XRCC4: variants seen among roughly 807,000 people sequenced by gnomAD.
XRCC4 encodes the protein DNA repair protein XRCC4.
A neutral mutation model predicts 39.1 loss-of-function variants in XRCC4; 28 were observed. The observed-to-expected ratio is 0.72, with a 90% CI of 0.53 to 0.98. The LOEUF is 0.98. Among genes scored for constraint, XRCC4 ranks in the 50% least tolerant of loss-of-function variants. The pLI is 0.00. For synonymous variants in XRCC4, 123 were observed against 126.4 expected (o/e 0.97, Z 0.18); for missense variants, 350 against 376.4 (o/e 0.93, Z 0.58).
intron 4 of XRCC4, among the ~76,000 whole-genome samples, chr5:83,198,753 G>T (rs1002148830): frequency 6.6e-6 from 1 of 152,098 alleles, no homozygotes; most frequent in African/African-American, 2.4e-5. Context: ...TTAATGCATA[G>T]AATTTTAACA....
At chr5:83,225,508 GC>G (rs1752252678) in intron 6 of XRCC4, among the ~76,000 whole-genome samples, 1 of 150,028 alleles carries the variant, frequency 6.7e-6, no homozygotes, top group Non-Finnish European at 1.5e-5. Context: ...GGATCACAAA[GC>G]CCCCTTGACT....
intron 7 of XRCC4, among the ~76,000 whole-genome samples, chr5:83,272,313 G>A (rs1552909): frequency 0.057 from 8,607 of 152,162 alleles, 901 homozygotes; most frequent in East Asian, 0.48. Flanking sequence ...CCCAAACCCT[G>A]TTTATATCTC....
At position 83,117,680 on chromosome 5, in the gene XRCC4, T is replaced by C. The variant is rs567033519; in HGVS notation, c.315+6477T>C. ...GTGTGTGTGTGTGTGTGTGTATGTA[T>C]GTATATGTATGTATATATAAACATT... On this transcript the variant is annotated intron_variant, in intron 3 of 7. Coordinates refer to ENST00000396027, the MANE Select transcript of XRCC4 (RefSeq NM_003401.5). 1.6e-4 allele frequency among the ~76,000 whole-genome samples: 23 copies of C among 142,784 alleles called. No homozygotes were observed. In the South Asian group the frequency reaches 4.6e-3, roughly 29 times the overall value. The allele number at this position is 142,784 out of a possible 152,430, so 93.7% of individuals were successfully genotyped here.
chr5:83,281,113 C>G (rs1754521290), intron 7 of XRCC4, among the ~76,000 whole-genome samples: 1 of 152,172 alleles, frequency 6.6e-6, no homozygotes, highest in Non-Finnish European at 1.5e-5. Context: ...ATAAGAATAT[C>G]AAGCAATATA....
the XRCC4 span, among the ~76,000 whole-genome samples, chr5:83,363,486 CCA>C: frequency 9.2e-5 from 14 of 152,140 alleles, no homozygotes; most frequent in Non-Finnish European, 1.3e-4. Flanking sequence ...GAAGGCACAA[CCA>C]CACGCACTCA....
intron 3 of XRCC4, among the ~76,000 whole-genome samples, chr5:83,130,547 C>G (rs529597201): frequency 3.9e-5 from 6 of 152,112 alleles, no homozygotes; most frequent in Admixed American, 3.9e-4. Context: ...AGGAATGGTA[C>G]CAGCTCCTCT....
chr5:83,228,012 T>TC (rs1161543841), intron 6 of XRCC4, among the ~76,000 whole-genome samples: 1 of 152,002 alleles, frequency 6.6e-6, no homozygotes, highest in Non-Finnish European at 1.5e-5. Context: ...AGGAGGAATG[T>TC]CCTCTGGCTA....
At chr5:83,129,766 GCTCT>G (rs1420594443) in intron 3 of XRCC4, among the ~76,000 whole-genome samples, 3 of 151,576 alleles carry the variant, frequency 2.0e-5, no homozygotes, top group African/African-American at 7.3e-5. Context: ...TCATGATTTA[GCTCT>G]CTGTTATTGG....
chr5:83,255,924 G>A (rs1047669508), intron 6 of XRCC4, among the ~76,000 whole-genome samples: 4 of 152,018 alleles, frequency 2.6e-5, no homozygotes, highest in Admixed American at 6.6e-5. Context: ...AGGCCTCATG[G>A]GATTTTTACA....
intron 3 of XRCC4, among the ~76,000 whole-genome samples, chr5:83,194,542 C>T (rs919160213): frequency 1.3e-5 from 2 of 152,012 alleles, no homozygotes; most frequent in Non-Finnish European, 1.5e-5. Flanking sequence ...ATTTCTTAAT[C>T]TGTATGTAAT....
intron 7 of XRCC4, among the ~76,000 whole-genome samples, chr5:83,333,926 C>T (rs1029367026): frequency 3.3e-5 from 5 of 151,982 alleles, no homozygotes; most frequent in East Asian, 3.9e-4. Flanking sequence ...TGCGCCACCA[C>T]GCCTGGCTAA....
intron 3 of XRCC4, among the ~76,000 whole-genome samples, chr5:83,158,351 C>A (rs1018223351): frequency 6.6e-6 from 1 of 151,976 alleles, no homozygotes; most frequent in Non-Finnish European, 1.5e-5. Flanking sequence ...TAATAGTTTA[C>A]AAGAGGGATT....
intron 7 of XRCC4, among the ~76,000 whole-genome samples, chr5:83,274,542 GAATA>G (rs756329658): frequency 6.6e-6 from 1 of 152,106 alleles, no homozygotes; most frequent in Non-Finnish European, 1.5e-5. Flanking sequence ...AAGTGAAAAA[GAATA>G]AATAAACATG....
At chr5:83,153,565 T>C (rs569891429) in intron 3 of XRCC4, among the ~76,000 whole-genome samples, 1 of 152,300 alleles carries the variant, frequency 6.6e-6, no homozygotes, top group African/African-American at 2.4e-5. Context: ...ATTGGAAATA[T>C]ATTCAGCATC....
intron 3 of XRCC4, among the ~76,000 whole-genome samples, chr5:83,140,477 A>G (rs1452742051): frequency 6.6e-6 from 1 of 152,210 alleles, no homozygotes; most frequent in African/African-American, 2.4e-5. Context: ...CATTGAGGGT[A>G]GGTCTTCCTC....
chr5:83,242,604 A>G (rs928876556), intron 6 of XRCC4, among the ~76,000 whole-genome samples: 3 of 151,944 alleles, frequency 2.0e-5, no homozygotes, highest in African/African-American at 4.8e-5. Context: ...GTGCGCCACT[A>G]TGCCCAGTTT....
intron 3 of XRCC4, among the ~76,000 whole-genome samples, chr5:83,183,097 T>C (rs1481399701): frequency 6.6e-6 from 1 of 152,202 alleles, no homozygotes; most frequent in African/African-American, 2.4e-5. Flanking sequence ...TTCTGGTATC[T>C]AGCACTGTTA....
At chr5:83,345,083 C>T (rs1756878843) in intron 7 of XRCC4, among the ~76,000 whole-genome samples, 1 of 152,070 alleles carries the variant, frequency 6.6e-6, no homozygotes, top group African/African-American at 2.4e-5. Context: ...TATGTTTTGG[C>T]TTTTAAAACA....
At chr5:83,241,995 G>T (rs554132158) in intron 6 of XRCC4, among the ~76,000 whole-genome samples, 1 of 151,740 alleles carries the variant, frequency 6.6e-6, no homozygotes, top group East Asian at 1.9e-4. Flanking sequence ...GGAAGGGTTG[G>T]TCTTGCTGTC....
Sources: gnomAD v4.1 joint callset for allele counts (sites outside exome capture counted in the v4.1 genomes callset) on GRCh38, gnomAD v4.1.1 for gene constraint, MANE v1.5 for transcripts, NCBI Gene and HGNC (gene_info 2026-07-23, HGNC 2026-07-21) for gene names.